Variants in MYOCD observed in about 807,000 individuals in gnomAD.
MYOCD encodes the protein myocardin.
In MYOCD, 32 loss-of-function variants were observed where a neutral mutation model predicts 96.1. That is an observed-to-expected ratio of 0.33 (90% confidence interval 0.25 to 0.45). The LOEUF is 0.45. MYOCD is among the 20% of genes least tolerant of loss of function. MYOCD has a pLI of 1.00. For synonymous variants in MYOCD, 469 were observed against 469.0 expected (o/e 1.00, Z 0.00); for missense variants, 1,133 against 1,200.6 (o/e 0.94, Z 0.83).
At chr17:12,709,883 GT>G (rs1308310399) in intron 2 of MYOCD, among the ~76,000 whole-genome samples, 1 of 152,112 alleles carries the variant, frequency 6.6e-6, no homozygotes, top group Non-Finnish European at 1.5e-5. Context: ...ACTCTCCTGG[GT>G]AAAATTTTAA....
At chr17:12,711,993 G>A (rs2031495512) in intron 2 of MYOCD, among the ~76,000 whole-genome samples, 1 of 146,772 alleles carries the variant, frequency 6.8e-6, no homozygotes, top group South Asian at 2.2e-4. Context: ...GCGCGATCTT[G>A]GCTCACTGCA....
chr17:12,668,483 A>G (rs1001814902), intron 1 of MYOCD, among the ~76,000 whole-genome samples: 1 of 152,368 alleles, frequency 6.6e-6, no homozygotes, highest in African/African-American at 2.4e-5. Flanking sequence ...TGAAATCATC[A>G]TCGATGTCAA....
intron 5 of MYOCD, among the ~76,000 whole-genome samples, chr17:12,730,139 C>T (rs867328233): frequency 7.3e-5 from 11 of 151,234 alleles, no homozygotes; most frequent in African/African-American, 2.7e-4. Flanking sequence ...AGAGTGAGAC[C>T]CTATCTCTCA....
Position 12,666,258 on chromosome 17 carries a change from T to G in MYOCD, c.55+15T>G, listed in dbSNP as rs1242727771. Reference sequence around the variant, plus strand: ...GTTCAGATCAGGTAGGGCTAAGGCATTTAGCATTCCTTCTTAAACTTTCCT... The same window carrying G: ...GTTCAGATCAGGTAGGGCTAAGGCAGTTAGCATTCCTTCTTAAACTTTCCT... On this transcript the variant is annotated intron_variant, in intron 1 of 13. Transcript: ENST00000425538. The G allele has an allele frequency of 1.3e-6, 2 of 1,591,342 alleles. No homozygotes were observed. Among genetic ancestry groups the G allele is most frequent in the African/African-American group, 2.7e-5 (2 of 74,486 alleles).
At chr17:12,694,803 C>T (rs2030655723) in intron 1 of MYOCD, among the ~76,000 whole-genome samples, 1 of 144,814 alleles carries the variant, frequency 6.9e-6, no homozygotes, top group Non-Finnish European at 1.5e-5. Flanking sequence ...AGAATGTCCA[C>T]TGTGATTTTT....
At chr17:12,688,613 T>C (rs1320955598) in intron 1 of MYOCD, among the ~76,000 whole-genome samples, 1 of 145,784 alleles carries the variant, frequency 6.9e-6, no homozygotes, top group Non-Finnish European at 1.5e-5. Context: ...CTTCCTTCCC[T>C]CTCCTTCCTT....
intron 6 of MYOCD, among the ~76,000 whole-genome samples, chr17:12,738,590 AT>A (rs1244517994): frequency 2.0e-5 from 3 of 152,198 alleles, no homozygotes; most frequent in Non-Finnish European, 4.4e-5. Flanking sequence ...ACACATGCTC[AT>A]AAGCACGCAT....
chr17:12,717,212 C>T, intron 3 of MYOCD, 134 bp from the exon 4 acceptor site: 1 of 646,438 alleles, frequency 1.5e-6, no homozygotes, highest in Non-Finnish European at 2.6e-6. Context: ...GGAAATGTTC[C>T]TTCATCAAAA....
Position 12,717,427 on chromosome 17 carries a change from G to A in MYOCD, c.253+6G>A, listed in dbSNP as rs376571806. The A allele has an allele frequency of 3.8e-5, 62 of 1,612,202 alleles. No homozygotes were observed. Among genetic ancestry groups the A allele is most frequent in the Non-Finnish European group, 5.3e-5 (62 of 1,178,750 alleles). On this transcript the variant is annotated splice_donor_region_variant and intron_variant, in intron 4 of 13. Transcript: ENST00000425538. ...TAATATGCACATACTCCAAGGTAAG[G>A]CTGCAAGAAATCAGACACCAAGAGA...
At chr17:12,688,476 T>C (rs751237670) in intron 1 of MYOCD, among the ~76,000 whole-genome samples, 1 of 150,296 alleles carries the variant, frequency 6.7e-6, no homozygotes, top group Non-Finnish European at 1.5e-5. Flanking sequence ...TTCCATCTTC[T>C]TCCTTCCTTC....
chr17:12,761,553 T>A (rs2033171415), intron 13 of MYOCD: 1 of 150,664 alleles, frequency 6.6e-6, no homozygotes, highest in Admixed American at 6.7e-5. Flanking sequence ...ATGAGTTCTG[T>A]AATGGAAAGA....
At chr17:12,697,655 G>C (rs943878205) in intron 1 of MYOCD, among the ~76,000 whole-genome samples, 14 of 151,762 alleles carry the variant, frequency 9.2e-5, no homozygotes, top group Non-Finnish European at 1.6e-4. Context: ...ACCGGCCTAG[G>C]TATACATTTT....
intron 5 of MYOCD, among the ~76,000 whole-genome samples, chr17:12,730,446 CA>C (rs374306460): frequency 0.096 from 6,787 of 70,466 alleles, 335 homozygotes; most frequent in African/African-American, 0.22. Flanking sequence ...AACTCCATCT[CA>C]AAAAAAAAAA....
intron 1 of MYOCD, among the ~76,000 whole-genome samples, chr17:12,681,698 T>C (rs938391744): frequency 6.6e-6 from 1 of 152,160 alleles, no homozygotes; most frequent in Admixed American, 6.5e-5. Flanking sequence ...AGTGTGTACC[T>C]GGTCTCAGCC....
intron 7 of MYOCD, among the ~76,000 whole-genome samples, chr17:12,743,257 T>C (rs925110738): frequency 6.6e-6 from 1 of 152,134 alleles, no homozygotes; most frequent in Admixed American, 6.5e-5. Flanking sequence ...TAAAGTGTCC[T>C]TATTTCAAAA....
intron 11 of MYOCD, among the ~76,000 whole-genome samples, chr17:12,757,859 G>A (rs1416036617): frequency 1.3e-5 from 2 of 152,040 alleles, no homozygotes; most frequent in East Asian, 3.9e-4. Flanking sequence ...GCACCTTAAG[G>A]AGGAAAATAG....
At chr17:12,712,377 A>G (rs1370393481) in intron 2 of MYOCD, among the ~76,000 whole-genome samples, 1 of 152,088 alleles carries the variant, frequency 6.6e-6, no homozygotes, top group African/African-American at 2.4e-5. Context: ...GCCCAACACC[A>G]GGTACAGCCC....
In MYOCD at chr17:12,754,967, C is replaced by T. The variant is rs375554581; in HGVS notation, c.2059-1447C>T. On this transcript the variant is annotated intron_variant, in intron 10 of 13. Coordinates refer to ENST00000425538, the MANE Select transcript of MYOCD (RefSeq NM_001146312.3). Reference sequence around the variant, plus strand: ...CACATGAACCCAAGATTTGTTAATTCTAAGTACAATGCCCTATTCAAGTGG... The same window carrying T: ...CACATGAACCCAAGATTTGTTAATTTTAAGTACAATGCCCTATTCAAGTGG... 2.5e-4 allele frequency among the ~76,000 whole-genome samples: 38 copies of T among 152,266 alleles called. No homozygotes were observed. The East Asian group carries it at 5.0e-3, about 20-fold the overall frequency.
At chr17:12,737,660 C>G (rs2032386094) in intron 6 of MYOCD, among the ~76,000 whole-genome samples, 1 of 152,198 alleles carries the variant, frequency 6.6e-6, no homozygotes, top group Admixed American at 6.5e-5. Flanking sequence ...CACTCCTGGC[C>G]TCACAGAAAT....
Sources: gnomAD v4.1 joint callset for allele counts (sites outside exome capture counted in the v4.1 genomes callset) on GRCh38, gnomAD v4.1.1 for gene constraint, MANE v1.5 for transcripts, NCBI Gene and HGNC (gene_info 2026-07-23, HGNC 2026-07-21) for gene names.